Variants in CELF2 observed in about 807,000 individuals in gnomAD.
CELF2 encodes the protein CUG triplet repeat RNA-binding protein 2.
A neutral mutation model predicts 62.6 loss-of-function variants in CELF2; 8 were observed. That is an observed-to-expected ratio of 0.13 (90% confidence interval 0.07 to 0.23). The LOEUF (loss-of-function observed/expected upper bound fraction) is 0.23, where lower values mean the gene tolerates loss of function less well. CELF2 is among the 10% of genes least tolerant of loss of function. The pLI is 1.00. For synonymous variants in CELF2, 258 were observed against 250.0 expected, an observed-to-expected ratio of 1.03 and a Z score of -0.30; for missense variants, 333 against 671.0, an observed-to-expected ratio of 0.50 and a Z score of 5.56.
chr10:10,478,364 G>A, the CELF2 span, among the ~76,000 whole-genome samples: 1 of 152,108 alleles, frequency 6.6e-6, no homozygotes, highest in Non-Finnish European at 1.5e-5. Flanking sequence ...TTGGATATTT[G>A]ATTTGTGCCG....
intron 1 of CELF2, among the ~76,000 whole-genome samples, chr10:11,119,893 T>C (rs1285802279): frequency 6.9e-6 from 1 of 144,690 alleles, no homozygotes; most frequent in African/African-American, 2.6e-5. Flanking sequence ...CTTTTTTGTT[T>C]ATTGACATAT....
chr10:10,498,396 C>A, the CELF2 span, among the ~76,000 whole-genome samples: 4 of 152,288 alleles, frequency 2.6e-5, no homozygotes, highest in South Asian at 6.2e-4. Context: ...GAATGGCTAA[C>A]AATGGTGAAA....
intron 2 of CELF2, among the ~76,000 whole-genome samples, chr10:10,991,520 A>C (rs1292995218): frequency 6.6e-6 from 1 of 152,196 alleles, no homozygotes; most frequent in East Asian, 1.9e-4. Flanking sequence ...CCACCAGTGC[A>C]TCCTGGGGGT....
intron 8 of CELF2, among the ~76,000 whole-genome samples, chr10:11,275,475 G>A (rs562275455): frequency 2.0e-5 from 3 of 152,162 alleles, no homozygotes; most frequent in Non-Finnish European, 2.9e-5. Flanking sequence ...ATCTAGGGCA[G>A]CCAAATGATT....
At chr10:11,185,281 C>G (rs1366378018) in intron 2 of CELF2, among the ~76,000 whole-genome samples, 2 of 152,056 alleles carry the variant, frequency 1.3e-5, no homozygotes, top group Admixed American at 1.3e-4. Flanking sequence ...CTCAAGTGAT[C>G]CTCTTGTCTT....
rs931666484 is a variant in CELF2 at position 11,332,691 on chromosome 10, G to C, written c.*3638G>C. The C allele has an allele frequency of 6.6e-6, 1 of 151,312 alleles. No homozygotes were observed. Among genetic ancestry groups the C allele is most frequent in the African/African-American group, 2.5e-5 (1 of 40,082 alleles). 9.4% of individuals were successfully genotyped at this position (151,312 alleles called of 1,614,324 possible). ...CCCGCTCAGCACCCTGTTAGGATCA[G>C]TGTGTGTGGATGGGATAGCCCTGGG... On this transcript the variant is annotated 3_prime_UTR_variant, in exon 13 of 13. Transcript: ENST00000633077.
At chr10:10,760,172 G>A in the CELF2 span, among the ~76,000 whole-genome samples, 1 of 152,278 alleles carries the variant, frequency 6.6e-6, no homozygotes, top group Admixed American at 6.5e-5. Flanking sequence ...CCAAAGTGCT[G>A]GGATTATAGA....
At chr10:11,153,953 T>C (rs1366893076) in intron 1 of CELF2, among the ~76,000 whole-genome samples, 1 of 152,244 alleles carries the variant, frequency 6.6e-6, no homozygotes, top group East Asian at 1.9e-4. Flanking sequence ...GGGTCCAGAA[T>C]GAATTAATCT....
chr10:11,324,680 T>C lies in CELF2; in HGVS notation c.1295-1156T>C, dbSNP rs1475842843. ...TTAGGATACTTTCTTGTGATGTATT[T>C]TGTGGAGGCAGGGGAAGAAGCTTGG... On this transcript the variant is annotated intron_variant, in intron 11 of 12. Coordinates refer to ENST00000633077, the MANE Select transcript of CELF2 (RefSeq NM_001326342.2). This position sits in a 1 kb window ranked among gnomAD's most constrained non-coding sequence, Gnocchi z 4.7. Among the ~76,000 whole-genome samples, 2 of 152,242 alleles carry C rather than the reference T, an allele frequency of 1.3e-5. No individual in the cohort carries two copies. The highest frequency in any genetic ancestry group is 4.8e-5 in the African/African-American group (2 of 41,454).
rs556026371 is a variant in CELF2 at position 11,049,119 on chromosome 10, T to A, written c.74+30956T>A. ...TTATGTAACCTTGAACAAACTGTTCTGTTAAAAAAAAAAAAAGTCTTTTTC... is the reference window on the plus strand; with the variant it reads ...TTATGTAACCTTGAACAAACTGTTCAGTTAAAAAAAAAAAAAGTCTTTTTC... On this transcript the variant is annotated intron_variant, in intron 1 of 12. Coordinates refer to ENST00000633077, the MANE Select transcript of CELF2 (RefSeq NM_001326342.2). Among the ~76,000 whole-genome samples the A allele has an allele frequency of 3.2e-3, 280 of 86,948 alleles. 1 individual carries two copies. The highest frequency in any genetic ancestry group is 0.023 in the African/African-American group (273 of 11,908). The allele number at this position is 86,948 out of a possible 152,430, so 57.0% of individuals were successfully genotyped here. A position where few individuals can be genotyped will look rare whatever the true frequency, so the allele number is the denominator to read the frequency against.
chr10:10,947,522 C>T lies in CELF2; in HGVS notation c.89+27523C>T, dbSNP rs1050115612. 5 of 152,546 alleles carry T rather than the reference C, an allele frequency of 3.3e-5. No individual in the cohort carries two copies. Among genetic ancestry groups the T allele is most frequent in the African/African-American group, 4.8e-5 (2 of 41,420 alleles). 9.4% of individuals were successfully genotyped at this position (152,546 alleles called of 1,614,324 possible). On this transcript the variant is annotated intron_variant, in intron 2 of 13. Coordinates refer to the CELF2 transcript ENST00000636488. The surrounding 1 kb of genome is among the most constrained non-coding windows in gnomAD (Gnocchi z 4.1). Reference sequence around the variant, plus strand: ...TGGTGATGGTCAGATTAACATTCCCCGAATTTGTTGATTATTTCGTGTTGT... The same window carrying T: ...TGGTGATGGTCAGATTAACATTCCCTGAATTTGTTGATTATTTCGTGTTGT...
rs959892433 is a variant in CELF2 at position 11,280,025 on chromosome 10, C to A, written c.841+4905C>A. 7.2e-5 allele frequency among the ~76,000 whole-genome samples: 11 copies of A among 152,064 alleles called. No homozygotes were observed. The highest frequency in any genetic ancestry group is 1.6e-4 in the Non-Finnish European group (11 of 68,024). On this transcript the variant is annotated intron_variant, in intron 8 of 12. Transcript: ENST00000633077. The surrounding 1 kb of genome is among the most constrained non-coding windows in gnomAD (Gnocchi z 7.6). ...TGCAGTTTTTCTTCTCGGAAAGGAA[C>A]CGTTTGCCAAGCACGCGCCCTTGCC...
chr10:11,033,472 G>A (rs1384826521), intron 1 of CELF2, among the ~76,000 whole-genome samples: 2 of 152,116 alleles, frequency 1.3e-5, no homozygotes, highest in East Asian at 1.9e-4. Context: ...GGTCAGGCTG[G>A]TCTCAGCCTC....
rs1220567352 is a variant in CELF2 at position 11,247,501 on chromosome 10, C to T, written c.355-1652C>T. On this transcript the variant is annotated intron_variant, in intron 3 of 12. Transcript: ENST00000633077. This position sits in a 1 kb window ranked among gnomAD's most constrained non-coding sequence, Gnocchi z 5.4. ...CCCCTGGACCCCTGTGGGCTCTGTC[C>T]TGCCTCTCCCCACATGCTTGCCAGG... is the stretch of plus-strand genomic sequence containing the variant. Among the ~76,000 whole-genome samples the T allele has an allele frequency of 6.6e-6, 1 of 152,224 alleles. No individual in the cohort carries two copies. The highest frequency in any genetic ancestry group is 1.5e-5 in the Non-Finnish European group (1 of 68,036).
intron 2 of CELF2, chr10:10,966,509 T>G (rs1305511680): frequency 6.6e-6 from 1 of 152,298 alleles, no homozygotes; most frequent in Non-Finnish European, 1.5e-5. Context: ...TCCCACCTTC[T>G]CCTCTGGGCT....
In CELF2 at chr10:10,957,325, A is replaced by G. The variant is rs2135891262; in HGVS notation, c.89+37326A>G. Among the ~76,000 whole-genome samples the G allele has an allele frequency of 6.6e-6, 1 of 152,366 alleles. No individual in the cohort carries two copies. The highest frequency in any genetic ancestry group is 1.5e-5 in the Non-Finnish European group (1 of 68,030). On this transcript the variant is annotated intron_variant, in intron 2 of 13. Coordinates refer to the CELF2 transcript ENST00000636488. This position sits in a 1 kb window ranked among gnomAD's most constrained non-coding sequence, Gnocchi z 4.1. ...AATGGTACATTAGCGCTGTGATTGA[A>G]TTAACATTCTCTTTGTGCATGTGTC...
intron 1 of CELF2, among the ~76,000 whole-genome samples, chr10:10,879,647 T>C (rs1315850536): frequency 6.6e-6 from 1 of 152,206 alleles, no homozygotes; most frequent in African/African-American, 2.4e-5. Context: ...TAACACTGAG[T>C]TAAGAAATCC....
Position 11,325,813 on chromosome 10 carries a change from C to G in CELF2, c.1295-23C>G, listed in dbSNP as rs778704047. On this transcript the variant is annotated intron_variant, in intron 11 of 12. Transcript: ENST00000633077. ...ACTAAGACTCAAGGGATACCTTACTCTGACTTTTTTTTTCCTCCTTAGGTC... is the reference window on the plus strand; with the variant it reads ...ACTAAGACTCAAGGGATACCTTACTGTGACTTTTTTTTTCCTCCTTAGGTC... The G allele has an allele frequency of 5.7e-5, 90 of 1,571,482 alleles. 1 individual carries two copies. Among genetic ancestry groups the G allele is most frequent in the Non-Finnish European group, 7.3e-5 (85 of 1,163,898 alleles).
In CELF2 at chr10:11,314,487, C is replaced by T. The variant is rs891270428; in HGVS notation, c.1096+229C>T. 4.1e-5 allele frequency: 24 copies of T among 591,548 alleles called. No homozygotes were observed. Among genetic ancestry groups the T allele is most frequent in the African/African-American group, 2.0e-4 (11 of 54,406 alleles). 36.6% of individuals were successfully genotyped at this position (591,548 alleles called of 1,614,324 possible). ...AGATTCTCTTCAGTGTGTAGCACAG[C>T]GCGTGTGCTCATCCATGGGGTTCTG... On this transcript the variant is annotated intron_variant, in intron 10 of 12. Transcript: ENST00000633077. This position sits in a 1 kb window ranked among gnomAD's most constrained non-coding sequence, Gnocchi z 5.3.
Sources: gnomAD v4.1 joint callset for allele counts (sites outside exome capture counted in the v4.1 genomes callset) on GRCh38, gnomAD v4.1.1 for gene constraint, Gnocchi (gnomAD v3.1) non-coding constraint, MANE v1.5 for transcripts, NCBI Gene and HGNC (gene_info 2026-07-23, HGNC 2026-07-21) for gene names.